Variants in ELP1 observed in about 807,000 individuals in gnomAD.
ELP1 encodes the protein elongator acetyltransferase complex subunit 1.
ELP1 carries 131 observed loss-of-function variants against 183.2 expected under a neutral mutation model. The ratio of observed to expected loss-of-function variants is 0.72; its 90% CI spans 0.62 to 0.83. The LOEUF is 0.83. ELP1 is among the 40% of genes least tolerant of loss of function. The pLI is 0.00. For missense variants in ELP1, 1,550 were observed against 1,594.9 expected, an observed-to-expected ratio of 0.97 and a Z score of 0.48; for synonymous variants, 555 against 569.0, an observed-to-expected ratio of 0.98 and a Z score of 0.35.
At chr9:108,896,470 G>A (rs1828550470) in intron 25 of ELP1, 26 bp downstream of exon 25, 2 of 1,611,516 alleles carry the variant, frequency 1.2e-6, no homozygotes, top group Non-Finnish European at 1.7e-6. Context: ...AGAACCAAAT[G>A]GCATAAAAGT....
At chr9:108,917,746 T>C in intron 8 of ELP1, 76 bp from the exon 9 acceptor site, 1 of 1,491,004 alleles carries the variant, frequency 6.7e-7, no homozygotes, top group Non-Finnish European at 9.4e-7. Flanking sequence ...GAAGAGTTTT[T>C]TTTCCAGCAA....
Position 108,901,521 on chromosome 9 carries a change from T to C in ELP1, c.1918A>G (p.Asn640Asp). 2 of 1,613,996 alleles carry C rather than the reference T, an allele frequency of 1.2e-6. No individual in the cohort carries two copies. Among genetic ancestry groups the C allele is most frequent in the Non-Finnish European group, 1.7e-6 (2 of 1,179,876 alleles). ...FFINDIEVAS[N>D]ITSFAVYDEF... ...TCATATACTGCAAATGACGTGATAT[T>C]TGACGCAACCTGCAAGAGAAGGCCA... Residue 640 changes from asparagine (N) to aspartate (D), a missense_variant, in exon 18 of 37, where the codon AAT becomes GAT. Physicochemically the swap from Asn to Asp is conservative, Grantham distance 23. Transcript: ENST00000374647.
intron 3 of ELP1, among the ~76,000 whole-genome samples, chr9:108,929,203 A>T (rs1829918032): frequency 6.6e-6 from 1 of 152,198 alleles, no homozygotes; most frequent in South Asian, 2.1e-4. Flanking sequence ...AGCCAAGTGT[A>T]ATTTGAAACC....
At chr9:108,912,595 C>G (rs1199787801) in intron 10 of ELP1, 101 bp from the exon 11 acceptor site, 1 of 802,352 alleles carries the variant, frequency 1.2e-6, no homozygotes, top group East Asian at 2.5e-5. Context: ...TTCAAAGGAC[C>G]CTTCCTGCTC....
chr9:108,903,808 T>C lies in ELP1; in HGVS notation c.1644-139A>G. The C allele has an allele frequency of 1.2e-5, 8 of 692,342 alleles. No individual in the cohort carries two copies. The South Asian group carries it at 1.2e-4, about 10-fold the overall frequency. The allele number at this position is 692,342 out of a possible 1,614,324, so 42.9% of individuals were successfully genotyped here. ...ATACAATGTAGACAAAATACATATA[T>C]ACACACCCAATACTATACACACACA... is the stretch of plus-strand genomic sequence containing the variant. On this transcript the variant is annotated intron_variant, in intron 14 of 36. Coordinates refer to ENST00000374647, the MANE Select transcript of ELP1 (RefSeq NM_003640.5).
intron 36 of ELP1, among the ~76,000 whole-genome samples, chr9:108,872,621 G>A (rs573390590): frequency 5.9e-5 from 9 of 151,510 alleles, no homozygotes; most frequent in African/African-American, 1.9e-4. Context: ...TGGCTAACAC[G>A]GTGAAACCCC....
Position 108,913,642 on chromosome 9 carries a change from G to GTA in ELP1, c.959-1150_959-1149dup, listed in dbSNP as rs961520361. On this transcript the variant is annotated intron_variant, in intron 10 of 36. Transcript: ENST00000374647. ...GTTCTTGTGCAATGTGTGTGTGTGTGTATATATATATATACATGTTTTTGA... is the reference window on the plus strand; with the variant it reads ...GTTCTTGTGCAATGTGTGTGTGTGTGTATATATATATATATACATGTTTTTGA... Among the ~76,000 whole-genome samples, 457 of 150,510 alleles carry GTA rather than the reference G, an allele frequency of 3.0e-3. 3 individuals are homozygous for GTA. The highest frequency in any genetic ancestry group is 9.5e-3 in the African/African-American group (392 of 41,132).
intron 30 of ELP1, 64 bp downstream of exon 30, chr9:108,882,061 T>C: frequency 3.0e-6 from 4 of 1,353,078 alleles, no homozygotes; most frequent in Non-Finnish European, 4.2e-6. Context: ...CCAACTGACC[T>C]GGAATCCCTT....
intron 14 of ELP1, among the ~76,000 whole-genome samples, chr9:108,904,093 G>T (rs10512389): frequency 6.6e-6 from 1 of 152,004 alleles, no homozygotes; most frequent in Non-Finnish European, 1.5e-5. Flanking sequence ...AGTTAAAGCA[G>T]CTGGTCTGTA....
At chr9:108,916,792 A>C (rs1160613700) in intron 9 of ELP1, among the ~76,000 whole-genome samples, 1 of 152,214 alleles carries the variant, frequency 6.6e-6, no homozygotes, top group Non-Finnish European at 1.5e-5. Context: ...GTTGGTATCT[A>C]CTGAAAGTGA....
chr9:108,870,274 C>T (rs1827400327), intron 36 of ELP1, among the ~76,000 whole-genome samples: 1 of 152,158 alleles, frequency 6.6e-6, no homozygotes, highest in Admixed American at 6.5e-5. Flanking sequence ...CCATGTTTAA[C>T]TTCTGAATCT....
At chr9:108,892,200 G>C (rs1316168136) in intron 27 of ELP1, among the ~76,000 whole-genome samples, 1 of 152,184 alleles carries the variant, frequency 6.6e-6, no homozygotes, top group Non-Finnish European at 1.5e-5. Flanking sequence ...TTGGCGCCTG[G>C]TCCAGGAATG....
rs779346037 is a variant in ELP1, at chr9:108,901,399, T to C, written c.2014+26A>G. 4 of 1,491,666 alleles carry C rather than the reference T, an allele frequency of 2.7e-6. No individual in the cohort carries two copies. In the African/African-American group the frequency reaches 5.5e-5, roughly 21 times the overall value. 92.4% of individuals were successfully genotyped at this position (1,491,666 alleles called of 1,614,324 possible). ...CAAAAGACATTGGAGAAGGGACCAT[T>C]TCTGTTTTATACATTGAAAACTTAC... On this transcript the variant is annotated intron_variant, in intron 18 of 36. Transcript: ENST00000374647.
chr9:108,904,844 G>A (rs894811569), intron 14 of ELP1, among the ~76,000 whole-genome samples: 25 of 152,202 alleles, frequency 1.6e-4, no homozygotes, highest in African/African-American at 6.0e-4. Context: ...GGACTTTGTA[G>A]TCCTCAAAAG....
At chr9:108,919,016 T>G in intron 7 of ELP1, 115 bp from the exon 8 acceptor site, 1 of 848,188 alleles carries the variant, frequency 1.2e-6, no homozygotes, top group East Asian at 2.6e-5. Flanking sequence ...TGGTTTTACA[T>G]AGCCAATTAG....
At chr9:108,887,405 CTATATT>C (rs1213163387) in intron 29 of ELP1, among the ~76,000 whole-genome samples, 1 of 152,036 alleles carries the variant, frequency 6.6e-6, no homozygotes, top group African/African-American at 2.4e-5. Flanking sequence ...AGACATAAAA[CTATATT>C]TATAGAAACC....
chr9:108,882,841 T>C (rs1032368376), intron 29 of ELP1, among the ~76,000 whole-genome samples: 2 of 152,136 alleles, frequency 1.3e-5, no homozygotes, highest in Non-Finnish European at 2.9e-5. Flanking sequence ...AATCCTCCTG[T>C]CTCAATCTGC....
intron 12 of ELP1, 121 bp from the exon 13 acceptor site, chr9:108,908,525 A>G (rs1829098319): frequency 6.7e-6 from 5 of 743,784 alleles, no homozygotes; most frequent in Non-Finnish European, 1.2e-5. Context: ...AAATAATCAC[A>G]TCTCAACCTC....
chr9:108,882,232 C>A, intron 29 of ELP1, 45 bp from the exon 30 acceptor site: 2 of 1,555,876 alleles, frequency 1.3e-6, no homozygotes, highest in South Asian at 1.1e-5. Flanking sequence ...GAGAGCATGT[C>A]AGATGTCATC....
Sources: allele counts gnomAD v4.1 joint callset (sites outside exome capture counted in the v4.1 genomes callset), GRCh38; gene constraint gnomAD v4.1.1; transcripts MANE v1.5; gene names NCBI Gene and HGNC (gene_info 2026-07-23, HGNC 2026-07-21).